MUC13: variants seen among roughly 807,000 people sequenced by gnomAD.
MUC13 encodes mucin 13, cell surface associated, also known as mucin-13.
A neutral mutation model predicts 48.3 loss-of-function variants in MUC13; 32 were observed. That is an observed-to-expected ratio of 0.66 (90% CI 0.50 to 0.89). The LOEUF (loss-of-function observed/expected upper bound fraction) is 0.89, where lower values mean the gene tolerates loss of function less well. Among genes scored for constraint, MUC13 ranks in the 40% least tolerant of loss-of-function variants. MUC13 has a pLI of 0.00. For synonymous variants in MUC13, 199 were observed against 224.9 expected, an observed-to-expected ratio of 0.88 and a Z score of 1.03; for missense variants, 571 against 622.8, an observed-to-expected ratio of 0.92 and a Z score of 0.88.
chr3:124,931,432 A>G lies in MUC13; in HGVS notation c.52+3229T>C, dbSNP rs531651455. 6.5e-5 allele frequency among the ~76,000 whole-genome samples: 9 copies of G among 137,998 alleles called. No individual in the cohort carries two copies. In the East Asian group the frequency reaches 2.0e-3, roughly 30 times the overall value. The allele number at this position is 137,998 out of a possible 152,430, so 90.5% of individuals were successfully genotyped here. On this transcript the variant is annotated intron_variant, in intron 1 of 11. Transcript: ENST00000616727. ...GGCAACAGAGCGAGACTCTGTCTCA[A>G]AAAAAAAAAAAAGCAACTTTTTAAA...
intron 2 of MUC13, 122 bp from the exon 3 acceptor site, chr3:124,923,771 C>T: frequency 1.1e-6 from 1 of 904,556 alleles, no homozygotes; most frequent in South Asian, 1.7e-5. Flanking sequence ...TTGTGTTACT[C>T]CACAGCACAC....
At chr3:124,915,229 TG>T (rs2107669079) in intron 6 of MUC13, among the ~76,000 whole-genome samples, 1 of 152,330 alleles carries the variant, frequency 6.6e-6, no homozygotes, top group South Asian at 2.1e-4. Context: ...ATGACTGTTA[TG>T]GTGGGTTGAC....
chr3:124,933,770 T>C (rs1167990658), intron 1 of MUC13, among the ~76,000 whole-genome samples: 6 of 152,210 alleles, frequency 3.9e-5, no homozygotes, highest in South Asian at 2.1e-4. Context: ...TACAGTTGTA[T>C]GCCTTTTTTC....
At chr3:124,923,937 T>C (rs1436568910) in intron 2 of MUC13, among the ~76,000 whole-genome samples, 1 of 152,178 alleles carries the variant, frequency 6.6e-6, no homozygotes, top group Non-Finnish European at 1.5e-5. Context: ...GTCTTCTGAC[T>C]CCAAGGAGTC....
At chr3:124,933,486 G>A (rs1935830728) in intron 1 of MUC13, among the ~76,000 whole-genome samples, 2 of 152,108 alleles carry the variant, frequency 1.3e-5, no homozygotes, top group African/African-American at 2.4e-5. Flanking sequence ...CCACCCCTGA[G>A]CTGACCCTTC....
At chr3:124,928,267 A>T (rs1201366582) in intron 1 of MUC13, among the ~76,000 whole-genome samples, 4 of 152,182 alleles carry the variant, frequency 2.6e-5, no homozygotes, top group African/African-American at 9.7e-5. Flanking sequence ...ATTAAAAATT[A>T]AAATACATGG....
In MUC13 at chr3:124,912,167, C is replaced by T. The variant is rs773722263; in HGVS notation, c.1215-26G>A. On this transcript the variant is annotated intron_variant, in intron 8 of 11. Coordinates refer to ENST00000616727, the MANE Select transcript of MUC13 (RefSeq NM_033049.4). ...CTGAAATACAGTGAGCAATAGGAAACAGTGTTAAAGAGCCCCTGTGGGGAG... is the reference window on the plus strand; with the variant it reads ...CTGAAATACAGTGAGCAATAGGAAATAGTGTTAAAGAGCCCCTGTGGGGAG... The T allele has an allele frequency of 2.5e-6, 4 of 1,610,726 alleles. No individual in the cohort carries two copies. In the Admixed American group the frequency reaches 5.0e-5, roughly 20 times the overall value.
At chr3:124,912,961 A>AAAT in intron 8 of MUC13, 150 bp downstream of exon 8, 1 of 609,684 alleles carries the variant, frequency 1.6e-6, no homozygotes, top group Non-Finnish European at 2.5e-6. Flanking sequence ...AAAAAAAACT[A>AAAT]TTGATGATGA....
At chr3:124,934,633 A>G in intron 1 of MUC13, 28 bp downstream of exon 1, 1 of 1,521,534 alleles carries the variant, frequency 6.6e-7, no homozygotes, top group Non-Finnish European at 9.1e-7. Flanking sequence ...CATGATTGGA[A>G]GAATTAAAAT....
At chr3:124,919,107 G>A (rs1254224381) in intron 5 of MUC13, among the ~76,000 whole-genome samples, 1 of 152,114 alleles carries the variant, frequency 6.6e-6, no homozygotes, top group African/African-American at 2.4e-5. Flanking sequence ...GGAGGCCGAG[G>A]CGGGTGGATC....
At chr3:124,928,022 G>A (rs1935727264) in intron 1 of MUC13, 29 bp from the exon 2 acceptor site, 1 of 1,449,230 alleles carries the variant, frequency 6.9e-7, no homozygotes, top group Non-Finnish European at 9.3e-7. Flanking sequence ...CAAGTTTGAG[G>A]AGACAGTACA....
At chr3:124,919,484 C>G (rs1935558957) in intron 5 of MUC13, among the ~76,000 whole-genome samples, 1 of 151,372 alleles carries the variant, frequency 6.6e-6, no homozygotes, top group Non-Finnish European at 1.5e-5. Flanking sequence ...GCCACCATGT[C>G]TGGCCTTCAC....
intron 4 of MUC13, among the ~76,000 whole-genome samples, chr3:124,921,852 C>T (rs1239168692): frequency 6.6e-6 from 1 of 152,176 alleles, no homozygotes; most frequent in Non-Finnish European, 1.5e-5. Context: ...ATTTATCTGT[C>T]CATTTAAAAC....
At chr3:124,922,153 G>A in intron 4 of MUC13, 44 bp downstream of exon 4, 1 of 1,607,948 alleles carries the variant, frequency 6.2e-7, no homozygotes, top group Non-Finnish European at 8.5e-7. Context: ...CTCAGTGTTA[G>A]AACAAAGAAT....
chr3:124,911,083 T>C (rs1579361890), intron 9 of MUC13, among the ~76,000 whole-genome samples: 1 of 152,246 alleles, frequency 6.6e-6, no homozygotes, highest in East Asian at 1.9e-4. Flanking sequence ...TGTGAGAGAA[T>C]TGGTTTATCT....
rs549890403 is a variant in MUC13, at chr3:124,910,205, A to G, written c.1337+210T>C. The stretch of plus-strand genomic sequence containing the variant: ...GAGAGGATGAGTATGTTTGGAAACT[A>G]GAGAGTGTCATGCTGGTGGTCCTGT... On this transcript the variant is annotated intron_variant, in intron 10 of 11. Transcript: ENST00000616727. Among the ~76,000 whole-genome samples, 23 of 152,250 alleles carry G rather than the reference A, an allele frequency of 1.5e-4. No homozygotes were observed. In the South Asian group the frequency reaches 4.6e-3, roughly 30 times the overall value.
At chr3:124,908,918 C>T (rs561886837) in intron 10 of MUC13, among the ~76,000 whole-genome samples, 1 of 152,294 alleles carries the variant, frequency 6.6e-6, no homozygotes, top group South Asian at 2.1e-4. Context: ...CTCTGGGAGG[C>T]CGTGGTGGGC....
intron 1 of MUC13, among the ~76,000 whole-genome samples, chr3:124,933,242 A>T (rs1935825489): frequency 6.6e-6 from 1 of 152,212 alleles, no homozygotes; most frequent in African/African-American, 2.4e-5. Flanking sequence ...CTGCCTTATC[A>T]AATACTTTCT....
chr3:124,913,402 G>T (rs1343769686), intron 7 of MUC13, among the ~76,000 whole-genome samples, 160 bp downstream of exon 7: 1 of 152,160 alleles, frequency 6.6e-6, no homozygotes, highest in Admixed American at 6.5e-5. Context: ...CTGGACATGG[G>T]CTAGCAAAGG....
Sources: gnomAD v4.1 joint callset for allele counts (sites outside exome capture counted in the v4.1 genomes callset) on GRCh38, gnomAD v4.1.1 for gene constraint, MANE v1.5 for transcripts, NCBI Gene and HGNC (gene_info 2026-07-23, HGNC 2026-07-21) for gene names.